The following ANKRD44 variants were observed in gnomAD, a reference collection of about 807,000 sequenced individuals.
The protein encoded by ANKRD44 is serine/threonine-protein phosphatase 6 regulatory ankyrin repeat subunit B.
In ANKRD44, 35 loss-of-function variants were observed where a neutral mutation model predicts 116.0. That is an observed-to-expected ratio of 0.30 (90% confidence interval 0.23 to 0.40). The LOEUF (loss-of-function observed/expected upper bound fraction) is 0.40. Among genes scored for constraint, ANKRD44 ranks in the 10% least tolerant of loss-of-function variants. The pLI, the probability that ANKRD44 is intolerant of heterozygous loss-of-function variation, is 1.00. For missense variants in ANKRD44, 1,014 were observed against 1,242.6 expected (o/e 0.82, Z 2.77); for synonymous variants, 435 against 461.8 (o/e 0.94, Z 0.74).
intron 17 of ANKRD44, chr2:197,015,777 C>A: frequency 2.0e-6 from 1 of 501,824 alleles, no homozygotes; most frequent in Non-Finnish European, 3.7e-6. Flanking sequence ...GATATAGAAA[C>A]CAAGGGGGTA....
intron 1 of ANKRD44, among the ~76,000 whole-genome samples, chr2:197,255,856 T>A (rs761207379): frequency 6.6e-6 from 1 of 152,252 alleles, no homozygotes; most frequent in Non-Finnish European, 1.5e-5. Flanking sequence ...CTGCGCTTCA[T>A]GTAAGACGTT....
chr2:197,191,357 C>T (rs1412905514), intron 1 of ANKRD44, among the ~76,000 whole-genome samples: 1 of 152,176 alleles, frequency 6.6e-6, no homozygotes, highest in Non-Finnish European at 1.5e-5. Flanking sequence ...GCTGATGACA[C>T]TTGACCCCTC....
rs1306318725 is a variant in ANKRD44, at chr2:197,241,825, G to A, written c.28-54719C>T. On this transcript the variant is annotated intron_variant, in intron 1 of 27. Coordinates refer to ENST00000282272, the MANE Select transcript of ANKRD44 (RefSeq NM_001195144.2). ...ATTCACTACATAGTGCTGGTGGCCT[G>A]AAAGAGGAAAAGAAACTCTTTAAAG... Among the ~76,000 whole-genome samples, 4 of 152,038 alleles carry A rather than the reference G, an allele frequency of 2.6e-5. No individual in the cohort carries two copies. The East Asian group carries it at 5.8e-4, about 22-fold the overall frequency.
At chr2:197,208,666 G>A (rs978749839) in intron 1 of ANKRD44, among the ~76,000 whole-genome samples, 7 of 152,188 alleles carry the variant, frequency 4.6e-5, no homozygotes, top group African/African-American at 1.7e-4. Context: ...CGAGCGTGGT[G>A]GTGGGCGCCT....
chr2:197,195,133 T>C (rs2080916572), intron 1 of ANKRD44, among the ~76,000 whole-genome samples: 1 of 152,126 alleles, frequency 6.6e-6, no homozygotes, highest in Non-Finnish European at 1.5e-5. Flanking sequence ...AGGCCACTGT[T>C]AAACCTGGTG....
At chr2:196,998,452 A>G (rs1433108816) in intron 24 of ANKRD44, 33 bp from the exon 25 acceptor site, 2 of 1,493,910 alleles carry the variant, frequency 1.3e-6, no homozygotes, top group Non-Finnish European at 1.9e-6. Flanking sequence ...GGTTACTTAG[A>G]TGAGATGCTA....
chr2:197,025,840 A>G (rs2076581274), intron 16 of ANKRD44, among the ~76,000 whole-genome samples: 1 of 152,194 alleles, frequency 6.6e-6, no homozygotes, highest in Admixed American at 6.5e-5. Flanking sequence ...GAGAGTATTC[A>G]GGAAGAGGAA....
intron 1 of ANKRD44, among the ~76,000 whole-genome samples, chr2:197,214,039 A>G (rs975387383): frequency 1.3e-5 from 2 of 152,216 alleles, no homozygotes; most frequent in Admixed American, 1.3e-4. Flanking sequence ...AAGAAAGAAT[A>G]AGATGAAGGT....
In ANKRD44 at chr2:197,094,560, T is replaced by C. The variant is rs558045235; in HGVS notation, c.1101-4528A>G. 2.5e-4 allele frequency among the ~76,000 whole-genome samples: 38 copies of C among 152,250 alleles called. 1 individual carries two copies. The highest frequency in any genetic ancestry group is 3.2e-4 in the Non-Finnish European group (22 of 68,046). ...TTCCTTAAAAGCCAAGAATGAATCA[T>C]GATCGGTTAACATTTCTGTTATCTT... On this transcript the variant is annotated intron_variant, in intron 10 of 27. Transcript: ENST00000282272.
Position 197,202,870 on chromosome 2 carries a change from G to A in ANKRD44, c.28-15764C>T, listed in dbSNP as rs183105971. ...TGGGATTACAGGTGTGAGCCACCAC[G>A]CCTGGCCTTTTTTTTTTTTAAGACC... is the stretch of plus-strand genomic sequence containing the variant. On this transcript the variant is annotated intron_variant, in intron 1 of 27. Transcript: ENST00000282272. Among the ~76,000 whole-genome samples the A allele has an allele frequency of 1.6e-3, 240 of 151,774 alleles. 7 individuals carry two copies. Among genetic ancestry groups the A allele is most frequent in the Admixed American group, 3.7e-3 (56 of 15,250 alleles).
chr2:197,185,612 A>C (rs940450072), intron 2 of ANKRD44, among the ~76,000 whole-genome samples: 2 of 152,256 alleles, frequency 1.3e-5, no homozygotes, highest in African/African-American at 4.8e-5. Flanking sequence ...AACTACTAAA[A>C]GGGTAAATCA....
intron 1 of ANKRD44, among the ~76,000 whole-genome samples, chr2:197,286,124 C>T (rs2105851619): frequency 6.6e-6 from 1 of 152,310 alleles, no homozygotes; most frequent in Admixed American, 6.5e-5. Flanking sequence ...CTATAAGGGT[C>T]CCCCATGACA....
chr2:197,153,961 T>C (rs1352401122), intron 2 of ANKRD44, among the ~76,000 whole-genome samples: 1 of 152,106 alleles, frequency 6.6e-6, no homozygotes, highest in Non-Finnish European at 1.5e-5. Context: ...TACACCTTTG[T>C]ACATGTCTGT....
At chr2:197,273,699 G>C (rs1015010931) in intron 1 of ANKRD44, among the ~76,000 whole-genome samples, 1 of 151,988 alleles carries the variant, frequency 6.6e-6, no homozygotes, top group African/African-American at 2.4e-5. Context: ...CTGCCAGCTG[G>C]CTGGTTCACC....
At chr2:196,973,765 A>G (rs187863418) in intron 21 of ANKRD44, among the ~76,000 whole-genome samples, 7 of 152,314 alleles carry the variant, frequency 4.6e-5, no homozygotes, top group Non-Finnish European at 8.8e-5. Context: ...ATATCTTTAT[A>G]TACAGACCAT....
rs112067354 is a variant in ANKRD44, at chr2:197,150,225, G to A, written c.112-3120C>T. On this transcript the variant is annotated intron_variant, in intron 2 of 27. Transcript: ENST00000282272. ...CTGATGCCAAAGAATTAGGTGTCCT[G>A]GCTCCCAACCTGAAACTTTTTTCTT... Among the ~76,000 whole-genome samples the A allele has an allele frequency of 3.3e-5, 5 of 152,168 alleles. 1 individual carries two copies. The highest frequency in any genetic ancestry group is 9.6e-5 in the African/African-American group (4 of 41,506).
At chr2:197,287,340 G>A (rs1559221224) in intron 1 of ANKRD44, among the ~76,000 whole-genome samples, 1 of 152,170 alleles carries the variant, frequency 6.6e-6, no homozygotes, top group Non-Finnish European at 1.5e-5. Flanking sequence ...ATGGGTAAAA[G>A]TATGAAGGAA....
intron 1 of ANKRD44, among the ~76,000 whole-genome samples, chr2:197,259,919 A>AG (rs1270981909): frequency 2.0e-5 from 3 of 151,912 alleles, no homozygotes; most frequent in African/African-American, 4.8e-5. Context: ...TGTTAATTTG[A>AG]GGGGGGAAAA....
At chr2:197,286,953 G>A (rs1175311617) in intron 1 of ANKRD44, among the ~76,000 whole-genome samples, 1 of 152,180 alleles carries the variant, frequency 6.6e-6, no homozygotes, top group Non-Finnish European at 1.5e-5. Context: ...AAGCAGGCAT[G>A]AGCAGGCAGA....
Sources: allele counts gnomAD v4.1 joint callset (sites outside exome capture counted in the v4.1 genomes callset), GRCh38; gene constraint gnomAD v4.1.1; transcripts MANE v1.5; gene names NCBI Gene and HGNC (gene_info 2026-07-23, HGNC 2026-07-21).